DENND1A: variants seen among roughly 807,000 people sequenced by gnomAD.
The protein encoded by DENND1A is DENN domain containing 1A.
A neutral mutation model predicts 113.7 loss-of-function variants in DENND1A; 51 were observed. The ratio of observed to expected loss-of-function variants is 0.45; its 90% CI spans 0.36 to 0.57. DENND1A has a LOEUF of 0.57. DENND1A is among the 20% of genes least tolerant of loss of function. The pLI is 0.00. For synonymous variants in DENND1A, 565 were observed against 570.8 expected (o/e 0.99, Z 0.14); for missense variants, 1,258 against 1,395.9 (o/e 0.90, Z 1.57).
intron 5 of DENND1A, among the ~76,000 whole-genome samples, chr9:123,723,806 G>C (rs944737197): frequency 6.6e-5 from 10 of 152,146 alleles, no homozygotes; most frequent in African/African-American, 2.2e-4. Context: ...TATGAAAACA[G>C]ACTAATACAC....
At position 123,711,489 on chromosome 9, in the gene DENND1A, A is replaced by ATATATATATATGTATATATG. The variant is rs1564997601; in HGVS notation, c.303-34701_303-34700insCATATATACATATATATATA. Among the ~76,000 whole-genome samples, 20 of 61,050 alleles carry ATATATATATATGTATATATG rather than the reference A, an allele frequency of 3.3e-4. 1 individual carries two copies. Among genetic ancestry groups the ATATATATATATGTATATATG allele is most frequent in the East Asian group, 1.6e-3 (4 of 2,534 alleles). 40.1% of individuals were successfully genotyped at this position (61,050 alleles called of 152,430 possible). ...TCAAAATAATAATAAATTAAAAAATATATATATATATATATGTATATATGT... is the reference window on the plus strand; with the variant it reads ...TCAAAATAATAATAAATTAAAAAATATATATATATATGTATATATGTATATATATATATATGTATATATGT... On this transcript the variant is annotated intron_variant, in intron 5 of 23. Transcript: ENST00000394215.
intron 5 of DENND1A, among the ~76,000 whole-genome samples, chr9:123,696,468 G>T (rs1362689680): frequency 6.6e-6 from 1 of 152,204 alleles, no homozygotes; most frequent in Non-Finnish European, 1.5e-5. Context: ...TTTAAAGGTG[G>T]AGAGTGGGTA....
At chr9:123,425,539 A>G (rs2045651701) in intron 19 of DENND1A, among the ~76,000 whole-genome samples, 1 of 152,238 alleles carries the variant, frequency 6.6e-6, no homozygotes, top group South Asian at 2.1e-4. Context: ...CAAGGGCACA[A>G]GGAGTGAGTG....
intron 13 of DENND1A, among the ~76,000 whole-genome samples, chr9:123,495,524 G>A (rs1421509339): frequency 6.6e-6 from 1 of 152,204 alleles, no homozygotes; most frequent in Non-Finnish European, 1.5e-5. Flanking sequence ...ATCTGGGGGA[G>A]GAGGCAAAGA....
intron 1 of DENND1A, among the ~76,000 whole-genome samples, chr9:123,903,629 G>A (rs1252402290): frequency 6.6e-6 from 1 of 152,144 alleles, no homozygotes; most frequent in African/African-American, 2.4e-5. Flanking sequence ...CTGGAAAATT[G>A]GGTCACTCCC....
At chr9:123,401,292 C>T (rs1444770367) in intron 21 of DENND1A, 1 of 168,320 alleles carries the variant, frequency 5.9e-6, no homozygotes, top group Non-Finnish European at 1.2e-5. Flanking sequence ...TTGAGAAAAA[C>T]ACATCCAAGT....
chr9:123,403,557 GA>G, intron 20 of DENND1A, 67 bp from the exon 21 acceptor site: 1 of 1,442,524 alleles, frequency 6.9e-7, no homozygotes, highest in Non-Finnish European at 9.7e-7. Context: ...GGTACATTCT[GA>G]ACATTTGGAT....
chr9:123,592,403 A>G (rs935856047), intron 11 of DENND1A, among the ~76,000 whole-genome samples: 2 of 152,108 alleles, frequency 1.3e-5, no homozygotes, highest in Non-Finnish European at 2.9e-5. Flanking sequence ...AACTCTGCCA[A>G]TTAAAACTGT....
chr9:123,734,601 A>AGTTTT, intron 5 of DENND1A, among the ~76,000 whole-genome samples: 1 of 152,226 alleles, frequency 6.6e-6, no homozygotes. Context: ...TCAGAGTCAA[A>AGTTTT]CAGAGCTAGG....
intron 13 of DENND1A, among the ~76,000 whole-genome samples, chr9:123,471,524 C>T (rs1035518529): frequency 1.3e-5 from 2 of 152,214 alleles, no homozygotes; most frequent in Non-Finnish European, 2.9e-5. Flanking sequence ...GGACATGTGA[C>T]AGGGCAGTGG....
intron 2 of DENND1A, 96 bp downstream of exon 2, chr9:123,878,855 A>G: frequency 7.9e-7 from 1 of 1,258,304 alleles, no homozygotes. Flanking sequence ...ACTTAAAGAC[A>G]AATAACAATT....
chr9:123,655,299 G>A (rs1466432570), intron 8 of DENND1A, among the ~76,000 whole-genome samples: 1 of 152,178 alleles, frequency 6.6e-6, no homozygotes, highest in Non-Finnish European at 1.5e-5. Flanking sequence ...TTTGATGACA[G>A]CAAGCTCGGT....
intron 13 of DENND1A, 38 bp from the exon 14 acceptor site, chr9:123,457,935 G>C: frequency 6.7e-7 from 1 of 1,481,886 alleles, no homozygotes; most frequent in Non-Finnish European, 9.3e-7. Context: ...TCAGTGGCAC[G>C]GAGCAAGAGC....
At chr9:123,644,886 T>A (rs145784307) in intron 9 of DENND1A, among the ~76,000 whole-genome samples, 3 of 152,298 alleles carry the variant, frequency 2.0e-5, no homozygotes, top group African/African-American at 7.2e-5. Context: ...AATTGTATTA[T>A]CTCTATTAAG....
intron 13 of DENND1A, among the ~76,000 whole-genome samples, chr9:123,547,339 G>A (rs1390139520): frequency 6.6e-6 from 1 of 152,256 alleles, no homozygotes; most frequent in East Asian, 1.9e-4. Context: ...GGACCAGCCT[G>A]ATCAACAGGG....
chr9:123,575,656 T>C (rs2058596526), intron 12 of DENND1A, among the ~76,000 whole-genome samples: 1 of 152,300 alleles, frequency 6.6e-6, no homozygotes, highest in Non-Finnish European at 1.5e-5. Flanking sequence ...ACACACACAG[T>C]TTTTTAGGAA....
At chr9:123,760,928 T>C (rs991693474) in intron 4 of DENND1A, among the ~76,000 whole-genome samples, 1 of 152,218 alleles carries the variant, frequency 6.6e-6, no homozygotes, top group African/African-American at 2.4e-5. Context: ...ATACAAAATA[T>C]GATTGTTCAG....
intron 9 of DENND1A, among the ~76,000 whole-genome samples, chr9:123,632,909 A>ATAT (rs999639378): frequency 6.7e-6 from 1 of 150,362 alleles, no homozygotes; most frequent in Non-Finnish European, 1.5e-5. Context: ...AATAATAATA[A>ATAT]TATTATTATT....
At chr9:123,732,585 C>T (rs911154890) in intron 5 of DENND1A, among the ~76,000 whole-genome samples, 2 of 152,024 alleles carry the variant, frequency 1.3e-5, no homozygotes, top group African/African-American at 4.8e-5. Context: ...CAGAAGTGCT[C>T]GTATGGTGGT....
Sources: gnomAD v4.1 joint callset for allele counts (sites outside exome capture counted in the v4.1 genomes callset) on GRCh38, gnomAD v4.1.1 for gene constraint, MANE v1.5 for transcripts, NCBI Gene and HGNC (gene_info 2026-07-23, HGNC 2026-07-21) for gene names.